STOX2: variants seen among roughly 807,000 people sequenced by gnomAD.
STOX2 encodes storkhead-box protein 2.
A neutral mutation model predicts 60.9 loss-of-function variants in STOX2; 28 were observed. That is an observed-to-expected ratio of 0.46 (90% CI 0.34 to 0.63). STOX2 has a LOEUF of 0.63. Among genes scored for constraint, STOX2 ranks in the 30% least tolerant of loss-of-function variants. The pLI is 0.01. For missense variants in STOX2, 1,024 were observed against 1,187.7 expected, an observed-to-expected ratio of 0.86 and a Z score of 2.03; for synonymous variants, 472 against 463.9, an observed-to-expected ratio of 1.02 and a Z score of -0.22.
chr4:184,009,974 C>T lies in STOX2; in HGVS notation c.1136C>T (p.Ser379Phe). The change falls in exon 3 of 4, where the codon TCT becomes TTT. Residue 379 changes from serine to phenylalanine, a missense_variant. Physicochemically the swap from Ser to Phe is radical, Grantham distance 155. Coordinates refer to ENST00000308497, the MANE Select transcript of STOX2 (RefSeq NM_020225.3). The surrounding 1 kb of genome is among the most constrained non-coding windows in gnomAD (Gnocchi z 4.0). ...CGGTCTCACAGCAAGACACGGGTGT[C>T]TAAAGGAGACCCTTCCGACGGTTCA... The part of the protein sequence containing the change: ...KSRSHSKTRV[S>F]KGDPSDGSHL... 1 of 1,613,916 alleles carries T rather than the reference C, an allele frequency of 6.2e-7. No homozygotes were observed.
intron 1 of STOX2, among the ~76,000 whole-genome samples, chr4:183,974,637 G>A (rs1388676265): frequency 6.6e-6 from 1 of 152,010 alleles, no homozygotes; most frequent in Non-Finnish European, 1.5e-5. Flanking sequence ...AAAGAAAAAT[G>A]GGTAAGTTCA....
chr4:183,993,669 A>G (rs950498187), intron 1 of STOX2, among the ~76,000 whole-genome samples: 3 of 152,242 alleles, frequency 2.0e-5, no homozygotes, highest in Non-Finnish European at 4.4e-5. Context: ...TGTTTCCTTC[A>G]GTTGACTATT....
intron 1 of STOX2, among the ~76,000 whole-genome samples, chr4:183,930,526 T>A (rs1436412171): frequency 6.6e-6 from 1 of 151,404 alleles, no homozygotes; most frequent in Non-Finnish European, 1.5e-5. Flanking sequence ...TTTGTTTTTT[T>A]TTTGTATTTT....
chr4:183,952,170 T>C (rs1743116163), intron 1 of STOX2, among the ~76,000 whole-genome samples: 1 of 152,212 alleles, frequency 6.6e-6, no homozygotes, highest in African/African-American at 2.4e-5. Context: ...ATCCCAGTCA[T>C]GCATATTTCA....
intron 1 of STOX2, among the ~76,000 whole-genome samples, chr4:183,931,760 A>T (rs1056630288): frequency 2.0e-5 from 3 of 152,194 alleles, no homozygotes; most frequent in Non-Finnish European, 4.4e-5. Flanking sequence ...TAATAATTGC[A>T]CGAGAAGAGC....
At chr4:183,984,647 C>G (rs1732774014) in intron 1 of STOX2, among the ~76,000 whole-genome samples, 1 of 152,144 alleles carries the variant, frequency 6.6e-6, no homozygotes, top group Non-Finnish European at 1.5e-5. Context: ...CATGCGAGAC[C>G]ATTAGCCATC....
rs1739402347 is a variant in STOX2 at position 183,825,412 on chromosome 4, G to A, written c.364+27357G>A. 6.6e-6 allele frequency among the ~76,000 whole-genome samples: 1 copy of A among 152,064 alleles called. No homozygotes were observed. The highest frequency in any genetic ancestry group is 2.1e-4 in the South Asian group (1 of 4,834). ...GGCCATCCCTCGTGTGGCGCGTGCT[G>A]CAGATGGCAGCGGTCAGCTCGTGTC... On this transcript the variant is annotated intron_variant, in intron 1 of 2. Transcript: ENST00000513034. The surrounding 1 kb of genome is among the most constrained non-coding windows in gnomAD (Gnocchi z 4.1).
chr4:183,915,481 T>C (rs1741905949), intron 1 of STOX2, among the ~76,000 whole-genome samples: 2 of 152,074 alleles, frequency 1.3e-5, no homozygotes, highest in African/African-American at 4.8e-5. Flanking sequence ...GTCGGTGTCA[T>C]TCCTCATTGT....
intron 1 of STOX2, among the ~76,000 whole-genome samples, chr4:183,845,576 G>C (rs1739965994): frequency 6.6e-6 from 1 of 152,142 alleles, no homozygotes. Flanking sequence ...GAACAAGGGA[G>C]TTGCAAACTC....
At chr4:183,915,370 A>G (rs998637906) in intron 1 of STOX2, among the ~76,000 whole-genome samples, 2 of 151,476 alleles carry the variant, frequency 1.3e-5, no homozygotes, top group Non-Finnish European at 2.9e-5. Context: ...TTGTCTCGTT[A>G]TTAGAGAAAA....
chr4:183,949,755 T>G (rs963216791), intron 1 of STOX2, among the ~76,000 whole-genome samples: 2 of 152,146 alleles, frequency 1.3e-5, no homozygotes, highest in African/African-American at 4.8e-5. Flanking sequence ...ACTTTAGATT[T>G]TTGCAAGATA....
chr4:183,838,702 GTTT>G lies in STOX2; in HGVS notation c.364+40649_364+40651del, dbSNP rs1374618752. ...CAAAACTGTGCTTCCCATTCCAGGG[GTTT>G]TGGCCTCTCTCTGCAGCCCCCACTT... On this transcript the variant is annotated intron_variant, in intron 1 of 2. Coordinates refer to the STOX2 transcript ENST00000513034. 3.9e-5 allele frequency among the ~76,000 whole-genome samples: 6 copies of G among 152,318 alleles called. No individual in the cohort carries two copies. In the East Asian group the frequency reaches 9.7e-4, roughly 25 times the overall value.
rs1739534344 is a variant in STOX2 at position 183,830,221 on chromosome 4, C to T, written c.364+32166C>T. ...GCGTTGTTACTTGCTTTTCTGCTAA[C>T]CTGCTTTCCTTGCACACAGTAGAAA... On this transcript the variant is annotated intron_variant, in intron 1 of 2. Coordinates refer to the STOX2 transcript ENST00000513034. Among the ~76,000 whole-genome samples, 4 of 152,260 alleles carry T rather than the reference C, an allele frequency of 2.6e-5. No homozygotes were observed. In the South Asian group the frequency reaches 8.3e-4, roughly 32 times the overall value.
chr4:183,932,402 A>G (rs948820181), intron 1 of STOX2, among the ~76,000 whole-genome samples: 2 of 72,152 alleles, frequency 2.8e-5, no homozygotes, highest in Admixed American at 1.4e-4. Flanking sequence ...TACATACAGT[A>G]TATGTATGTA....
At chr4:184,012,788 A>G (rs936017574) in intron 3 of STOX2, among the ~76,000 whole-genome samples, 2 of 152,168 alleles carry the variant, frequency 1.3e-5, no homozygotes, top group Non-Finnish European at 2.9e-5. Flanking sequence ...CCTGAAAACC[A>G]CTAGTCTACT....
Position 184,011,462 on chromosome 4 carries a change from C to T in STOX2, c.2585+39C>T, listed in dbSNP as rs368636664. ...TCTCTGTGCACACACATGCGCCTAGCGGGGCCTGGGGCTTTATGCACGTAA... is the reference window on the plus strand; with the variant it reads ...TCTCTGTGCACACACATGCGCCTAGTGGGGCCTGGGGCTTTATGCACGTAA... On this transcript the variant is annotated intron_variant, in intron 3 of 3. Coordinates refer to ENST00000308497, the MANE Select transcript of STOX2 (RefSeq NM_020225.3). This position sits in a 1 kb window ranked among gnomAD's most constrained non-coding sequence, Gnocchi z 4.4. The T allele has an allele frequency of 3.9e-5, 62 of 1,588,626 alleles. No individual in the cohort carries two copies. In the African/African-American group the frequency reaches 5.9e-4, roughly 15 times the overall value.
At chr4:183,857,185 G>A (rs964620276) in intron 1 of STOX2, among the ~76,000 whole-genome samples, 1 of 152,028 alleles carries the variant, frequency 6.6e-6, no homozygotes, top group Non-Finnish European at 1.5e-5. Context: ...CATCCCACAG[G>A]ACTGGTCATC....
At chr4:183,951,087 G>T (rs896814670) in intron 1 of STOX2, among the ~76,000 whole-genome samples, 2 of 151,818 alleles carry the variant, frequency 1.3e-5, no homozygotes, top group South Asian at 2.1e-4. Context: ...GTGGTGGCGG[G>T]CGCCTGTAGT....
chr4:183,851,984 A>G (rs200076897), intron 1 of STOX2, among the ~76,000 whole-genome samples: 145 of 38,540 alleles, frequency 3.8e-3, no homozygotes, highest in Non-Finnish European at 4.5e-3. Context: ...AAAGGATGAG[A>G]GAAACGATGA....
Sources: allele counts gnomAD v4.1 joint callset (sites outside exome capture counted in the v4.1 genomes callset), GRCh38; gene constraint gnomAD v4.1.1; non-coding constraint Gnocchi (gnomAD v3.1); transcripts MANE v1.5; gene names NCBI Gene and HGNC (gene_info 2026-07-23, HGNC 2026-07-21).